Variants in NCKAP1L observed in about 807,000 individuals in gnomAD.
The protein encoded by NCKAP1L is nck-associated protein 1-like.
Under a neutral mutation model 139.2 loss-of-function variants are expected in NCKAP1L, and 53 were observed. That is an observed-to-expected ratio of 0.38 (90% CI 0.31 to 0.48). NCKAP1L has a LOEUF of 0.48. Ranked by LOEUF, NCKAP1L falls within the 20% of genes least tolerant of loss-of-function variation. The pLI, the probability that NCKAP1L is intolerant of heterozygous loss-of-function variation, is 0.98. For synonymous variants in NCKAP1L, 468 were observed against 499.7 expected (o/e 0.94, Z 0.85); for missense variants, 1,151 against 1,381.9 (o/e 0.83, Z 2.65).
intron 9 of NCKAP1L, chr12:54,512,425 T>C (rs1956895807): frequency 4.2e-6 from 1 of 237,772 alleles, no homozygotes; most frequent in African/African-American, 2.2e-5. Flanking sequence ...AATTTCCTCA[T>C]CTATAAAATG....
intron 1 of NCKAP1L, 62 bp downstream of exon 1, chr12:54,497,953 AG>A: frequency 9.3e-7 from 1 of 1,069,660 alleles, no homozygotes; most frequent in Middle Eastern, 2.0e-4. Flanking sequence ...GGGAACCCTG[AG>A]GCGGCAGGTG....
At chr12:54,515,235 C>T (rs1439049935) in intron 9 of NCKAP1L, among the ~76,000 whole-genome samples, 1 of 152,120 alleles carries the variant, frequency 6.6e-6, no homozygotes, top group Non-Finnish European at 1.5e-5. Flanking sequence ...AAGATACTTT[C>T]CAACACCAAA....
chr12:54,514,510 A>G (rs1005219897), intron 9 of NCKAP1L, among the ~76,000 whole-genome samples: 6 of 151,946 alleles, frequency 3.9e-5, no homozygotes, highest in African/African-American at 1.5e-4. Flanking sequence ...TTTAGTAGAG[A>G]CGGGGTTTTA....
In NCKAP1L at chr12:54,512,027, C is replaced by T; in HGVS notation, c.863C>T (p.Ser288Phe). The change falls in exon 9 of 31, where the codon TCC (serine) becomes TTC (phenylalanine). Residue 288 changes from serine (S) to phenylalanine (F), a missense_variant. Physicochemically the swap from Ser to Phe is radical, Grantham distance 155. Coordinates refer to ENST00000293373, the MANE Select transcript of NCKAP1L (RefSeq NM_005337.5). ...QKLWKLCLQG[S>F]LYITLIREDV... Reference sequence around the variant, plus strand: ...CTGTGGAAGCTGTGTCTGCAGGGCTCCCTCTACATCACCCTTATCCGTGAG... The same window carrying T: ...CTGTGGAAGCTGTGTCTGCAGGGCTTCCTCTACATCACCCTTATCCGTGAG... 6.2e-7 allele frequency: 1 copy of T among 1,614,196 alleles called. No individual in the cohort carries two copies. Among genetic ancestry groups the T allele is most frequent in the South Asian group, 1.1e-5 (1 of 91,086 alleles).
In NCKAP1L at chr12:54,528,318, T is replaced by A; in HGVS notation, c.2447T>A (p.Val816Asp). The part of the protein sequence containing the change: ...IILSPAMQAF[V>D]SLPREGEQNF... ...CTCTCCCCAGCCATGCAGGCCTTCG[T>A]CAGCCTGCCCAGAGAAGGGGAGCAG... Residue 816 changes from valine (V) to aspartate (D), a missense_variant, in exon 22 of 31, where the codon GTC (valine) becomes GAC (aspartate). Val to Asp is a radical substitution (Grantham distance 152). Coordinates refer to ENST00000293373, the MANE Select transcript of NCKAP1L (RefSeq NM_005337.5). 6 of 1,614,030 alleles carry A rather than the reference T, an allele frequency of 3.7e-6. No individual in the cohort carries two copies. Among genetic ancestry groups the A allele is most frequent in the Non-Finnish European group, 5.1e-6 (6 of 1,179,954 alleles).
Position 54,512,093 on chromosome 12 carries a change from G to A in NCKAP1L, c.929G>A (p.Ser310Asn), listed in dbSNP as rs756895749. The A allele has an allele frequency of 6.2e-7, 1 of 1,614,070 alleles. No individual in the cohort carries two copies. Among genetic ancestry groups the A allele is most frequent in the Non-Finnish European group, 8.5e-7 (1 of 1,179,984 alleles). Residue 310 changes from serine to asparagine, a missense_variant, in exon 9 of 31, where the codon AGC becomes AAC. By Grantham distance (46) the Ser-to-Asn change is conservative (BLOSUM62 1). Coordinates refer to ENST00000293373, the MANE Select transcript of NCKAP1L (RefSeq NM_005337.5). ...CACAAAGTCACCGAGGACCTGTTTAGCAGTTTGAAAGGGTGAGAGACACGA... is the reference window on the plus strand; with the variant it reads ...CACAAAGTCACCGAGGACCTGTTTAACAGTTTGAAAGGGTGAGAGACACGA... ...QVHKVTEDLF[S>N]SLKGYGKRVA...
intron 14 of NCKAP1L, 25 bp downstream of exon 14, chr12:54,518,757 C>A: frequency 6.3e-7 from 1 of 1,582,380 alleles, no homozygotes; most frequent in Non-Finnish European, 8.7e-7. Context: ...GTGGGGGAGG[C>A]AGGACATATG....
intron 1 of NCKAP1L, chr12:54,498,862 G>C (rs1956772048): frequency 1.0e-6 from 1 of 973,214 alleles, no homozygotes; most frequent in South Asian, 4.8e-5. Context: ...TAGATACTTG[G>C]CTTAATGTCT....
intron 30 of NCKAP1L, among the ~76,000 whole-genome samples, chr12:54,540,228 C>T (rs1957146400): frequency 6.6e-6 from 1 of 152,168 alleles, no homozygotes; most frequent in Non-Finnish European, 1.5e-5. Context: ...ATGCTAGGGG[C>T]CAGGGATTCC....
At chr12:54,519,043 T>C in intron 15 of NCKAP1L, 71 bp downstream of exon 15, 2 of 1,556,758 alleles carry the variant, frequency 1.3e-6, no homozygotes, top group South Asian at 2.2e-5. Flanking sequence ...TCTCTTTTTA[T>C]CTCCTAAATT....
rs979490298 is a variant in NCKAP1L at position 54,500,425 on chromosome 12, C to G, written c.214-108C>G. 38 of 798,418 alleles carry G rather than the reference C, an allele frequency of 4.8e-5. No homozygotes were observed. In the Admixed American group the frequency reaches 6.9e-4, roughly 14 times the overall value. The allele number at this position is 798,418 out of a possible 1,614,324, so 49.5% of individuals were successfully genotyped here. On this transcript the variant is annotated intron_variant, in intron 2 of 30. Transcript: ENST00000293373. ...AGGTGTGAGCCACTGCGCCCGGCCT[C>G]AACCCTCTTTAAGAATGTTTTAGGT...
intron 30 of NCKAP1L, among the ~76,000 whole-genome samples, chr12:54,539,440 AG>A (rs1957140280): frequency 6.6e-6 from 1 of 152,208 alleles, no homozygotes; most frequent in Admixed American, 6.5e-5. Context: ...TTAGCTAAAA[AG>A]CTCTAAGGCA....
chr12:54,541,211 T>C (rs1957155576), intron 30 of NCKAP1L, among the ~76,000 whole-genome samples: 1 of 152,126 alleles, frequency 6.6e-6, no homozygotes, highest in African/African-American at 2.4e-5. Flanking sequence ...GTCATAAAGA[T>C]GAGGAAACTG....
At chr12:54,534,552 G>A (rs1182165094) in intron 26 of NCKAP1L, among the ~76,000 whole-genome samples, 6 of 152,114 alleles carry the variant, frequency 3.9e-5, no homozygotes, top group African/African-American at 1.2e-4. Flanking sequence ...ATCAGGTAGC[G>A]CTTTACAGAG....
At chr12:54,524,171 T>C (rs1957008833) in intron 20 of NCKAP1L, among the ~76,000 whole-genome samples, 1 of 152,118 alleles carries the variant, frequency 6.6e-6, no homozygotes, top group Non-Finnish European at 1.5e-5. Context: ...CTATAGGTGG[T>C]TTTGATGAAC....
At position 54,497,888 on chromosome 12, in the gene NCKAP1L, G is replaced by A. The variant is rs143696023; in HGVS notation, c.99G>A (p.Lys33=). 1 of 1,592,266 alleles carries A rather than the reference G, an allele frequency of 6.3e-7. No homozygotes were observed. Among genetic ancestry groups the A allele is most frequent in the East Asian group, 2.2e-5 (1 of 44,774 alleles). The part of the protein sequence containing the change: ...QGVLIRMYNI[K]KTCSDPKSKP... ...TTCTCATCCGTATGTATAACATCAA[G>A]AAGGTAAGCATGAACAATGGGACTA... The change falls in exon 1 of 31, where the codon AAG becomes AAA. Residue 33 remains lysine, a synonymous_variant. Transcript: ENST00000293373.
At chr12:54,508,186 C>T (rs929855389) in intron 4 of NCKAP1L, among the ~76,000 whole-genome samples, 1 of 152,172 alleles carries the variant, frequency 6.6e-6, no homozygotes, top group Non-Finnish European at 1.5e-5. Flanking sequence ...ACCTTATTTC[C>T]TGGCCTCCTT....
rs1041314748 is a variant in NCKAP1L, at chr12:54,547,674, A to T, written c.*4989A>T. ...CTATTCTAGTTTAAAGACCTGCCTA[A>T]ATTTGGAAACTCCTTAGCTCTAATC... On this transcript the variant is annotated 3_prime_UTR_variant, in exon 31 of 31. Transcript: ENST00000293373. 2 of 152,162 alleles carry T rather than the reference A, an allele frequency of 1.3e-5. No homozygotes were observed. Among genetic ancestry groups the T allele is most frequent in the African/African-American group, 4.8e-5 (2 of 41,434 alleles). 9.4% of individuals were successfully genotyped at this position (152,162 alleles called of 1,614,324 possible).
chr12:54,518,855 G>A, intron 14 of NCKAP1L, 59 bp from the exon 15 acceptor site: 1 of 1,510,636 alleles, frequency 6.6e-7, no homozygotes, highest in South Asian at 1.1e-5. Flanking sequence ...ACCATTCTAT[G>A]TAGTTGGATA....
Sources: allele counts gnomAD v4.1 joint callset (sites outside exome capture counted in the v4.1 genomes callset), GRCh38; gene constraint gnomAD v4.1.1; transcripts MANE v1.5; gene names NCBI Gene and HGNC (gene_info 2026-07-23, HGNC 2026-07-21).